PCDHA7: variants seen among roughly 807,000 people sequenced by gnomAD.
PCDHA7 encodes the protein protocadherin alpha-7.
A neutral mutation model predicts 57.2 loss-of-function variants in PCDHA7; 37 were observed. The ratio of observed to expected loss-of-function variants is 0.65; its 90% CI spans 0.50 to 0.85. PCDHA7 has a LOEUF of 0.85. Ranked by LOEUF, PCDHA7 falls within the 40% of genes least tolerant of loss-of-function variation. PCDHA7 has a pLI of 0.00. For synonymous variants in PCDHA7, 553 were observed against 558.8 expected, an observed-to-expected ratio of 0.99 and a Z score of 0.15; for missense variants, 1,188 against 1,241.8, an observed-to-expected ratio of 0.96 and a Z score of 0.65.
chr5:140,838,880 A>T (rs959221934), intron 1 of PCDHA7, among the ~76,000 whole-genome samples: 5 of 151,848 alleles, frequency 3.3e-5, no homozygotes. Context: ...ATGCCACTGA[A>T]CTCCAGCCTA....
chr5:140,908,399 C>T (rs180728730), intron 1 of PCDHA7, among the ~76,000 whole-genome samples: 51 of 152,258 alleles, frequency 3.3e-4, no homozygotes, highest in African/African-American at 9.9e-4. Flanking sequence ...ACATATATAC[C>T]ACTTCCATTT....
chr5:140,973,481 G>A (rs537904841), intron 1 of PCDHA7, among the ~76,000 whole-genome samples: 2 of 152,208 alleles, frequency 1.3e-5, no homozygotes, highest in East Asian at 3.9e-4. Context: ...ATTTCATATT[G>A]GTCACAGGAC....
intron 1 of PCDHA7, chr5:140,848,980 T>C (rs1554142681): frequency 1.9e-6 from 3 of 1,599,772 alleles, no homozygotes; most frequent in Non-Finnish European, 1.7e-6. Flanking sequence ...GATGCAGATA[T>C]CGGGGAGAAC....
intron 1 of PCDHA7, among the ~76,000 whole-genome samples, chr5:140,919,974 TAG>T (rs2153555647): frequency 7.5e-6 from 1 of 134,116 alleles, no homozygotes; most frequent in African/African-American, 2.6e-5. Context: ...AAATAAGAGA[TAG>T]AAGATGGAAA....
chr5:140,874,334 C>A (rs2153310267), intron 1 of PCDHA7, among the ~76,000 whole-genome samples: 1 of 152,166 alleles, frequency 6.6e-6, no homozygotes, highest in South Asian at 2.1e-4. Context: ...CTGTTTTTTT[C>A]TCTTAAAGCT....
chr5:141,010,188 T>G lies in PCDHA7; in HGVS notation c.*251T>G. 6.4e-7 allele frequency: 1 copy of G among 1,553,070 alleles called. No individual in the cohort carries two copies. On this transcript the variant is annotated 3_prime_UTR_variant, in exon 4 of 4. Coordinates refer to ENST00000525929, the MANE Select transcript of PCDHA7 (RefSeq NM_018910.3). ...CAGAACCTAAAAAGCAGACCCAAGT[T>G]TCCTTTCTCCTCCGCCGCAAAGGAG...
At chr5:140,839,943 G>A (rs1281845453) in intron 1 of PCDHA7, among the ~76,000 whole-genome samples, 2 of 151,554 alleles carry the variant, frequency 1.3e-5, no homozygotes, top group East Asian at 3.9e-4. Flanking sequence ...TGCCAAGAAG[G>A]AGACAACATA....
chr5:140,839,737 C>T (rs1554137559), intron 1 of PCDHA7, among the ~76,000 whole-genome samples: 1 of 151,964 alleles, frequency 6.6e-6, no homozygotes, highest in Non-Finnish European at 1.5e-5. Flanking sequence ...AGAAAATACC[C>T]TTATTTGCCT....
intron 1 of PCDHA7, chr5:140,968,207 A>C: frequency 6.2e-7 from 1 of 1,614,000 alleles, no homozygotes; most frequent in Non-Finnish European, 8.5e-7. Context: ...CATACAGGAG[A>C]ACAATTTGCC....
chr5:140,972,213 C>T (rs1312530794), intron 1 of PCDHA7, among the ~76,000 whole-genome samples: 3 of 151,932 alleles, frequency 2.0e-5, no homozygotes, highest in African/African-American at 7.3e-5. Flanking sequence ...GAATATGGCT[C>T]ACTGCAGCCT....
intron 1 of PCDHA7, among the ~76,000 whole-genome samples, chr5:140,936,136 G>A (rs1393112473): frequency 2.0e-5 from 3 of 152,184 alleles, no homozygotes; most frequent in Admixed American, 1.3e-4. Context: ...TAAGTGATCT[G>A]CCCGCCTTGG....
chr5:140,913,898 CTTTT>C (rs1351691139), intron 1 of PCDHA7, among the ~76,000 whole-genome samples: 2 of 152,020 alleles, frequency 1.3e-5, no homozygotes, highest in African/African-American at 4.8e-5. Flanking sequence ...CAAAATTCCC[CTTTT>C]TTATTTCTAA....
intron 1 of PCDHA7, chr5:140,883,300 T>C (rs782541976): frequency 6.2e-7 from 1 of 1,613,974 alleles, no homozygotes; most frequent in African/African-American, 1.3e-5. Flanking sequence ...TAGATGTAAA[T>C]GATAACGCCC....
intron 1 of PCDHA7, chr5:140,856,890 G>GTATT: frequency 6.3e-7 from 1 of 1,596,172 alleles, no homozygotes; most frequent in Non-Finnish European, 8.6e-7. Context: ...TATTCATTTA[G>GTATT]CTCTTTGGTC....
At chr5:140,947,083 A>G (rs1268359945) in intron 1 of PCDHA7, among the ~76,000 whole-genome samples, 2 of 151,728 alleles carry the variant, frequency 1.3e-5, no homozygotes, top group Non-Finnish European at 3.0e-5. Context: ...TTGAAACATC[A>G]GACTGTAGCC....
chr5:140,926,609 G>T, intron 1 of PCDHA7: 1 of 350,856 alleles, frequency 2.9e-6, no homozygotes, highest in Non-Finnish European at 5.0e-6. Flanking sequence ...CCTCGTCTCT[G>T]CACCCCTAGG....
intron 1 of PCDHA7, among the ~76,000 whole-genome samples, chr5:140,965,255 G>C (rs1426270395): frequency 1.3e-5 from 2 of 152,196 alleles, no homozygotes; most frequent in Non-Finnish European, 2.9e-5. Context: ...ATTCAGAACT[G>C]AGCAGCAGAG....
intron 1 of PCDHA7, among the ~76,000 whole-genome samples, chr5:140,838,930 T>C (rs10059211): frequency 0.025 from 3,848 of 151,876 alleles, 212 homozygotes; most frequent in African/African-American, 0.088. Context: ...TAAAATAAAA[T>C]GAAATAATAA....
At chr5:140,893,570 G>A (rs1583135271) in intron 1 of PCDHA7, among the ~76,000 whole-genome samples, 1 of 152,154 alleles carries the variant, frequency 6.6e-6, no homozygotes, top group African/African-American at 2.4e-5. Context: ...TACTTCCTCA[G>A]TTTTTGCTTG....
Sources: gnomAD v4.1 joint callset for allele counts (sites outside exome capture counted in the v4.1 genomes callset) on GRCh38, gnomAD v4.1.1 for gene constraint, MANE v1.5 for transcripts, NCBI Gene and HGNC (gene_info 2026-07-23, HGNC 2026-07-21) for gene names.